ERICH3: variants seen among roughly 807,000 people sequenced by gnomAD.
The protein encoded by ERICH3 is glutamate rich 3, also known as glutamate-rich protein 3.
A neutral mutation model predicts 131.1 loss-of-function variants in ERICH3; 126 were observed. The ratio of observed to expected loss-of-function variants is 0.96; its 90% confidence interval spans 0.83 to 1.11. The LOEUF is 1.11. Among genes scored for constraint, ERICH3 ranks in the 50% most tolerant of loss-of-function variants. The probability of loss-of-function intolerance (pLI) is 0.00; values close to 1 mark genes in which losing one functional copy is unlikely to be tolerated. For synonymous variants in ERICH3, 695 were observed against 644.6 expected (o/e 1.08, Z -1.18); for missense variants, 2,050 against 1,810.7 (o/e 1.13, Z -2.40).
chr1:74,620,693 C>T, intron 8 of ERICH3, 41 bp downstream of exon 8: 3 of 1,481,028 alleles, frequency 2.0e-6, no homozygotes, highest in African/African-American at 1.4e-5. Context: ...TCTATAACAT[C>T]AACTCCAAGC....
In ERICH3 at chr1:74,572,230, C is replaced by T. The variant is rs377071118; in HGVS notation, c.3480G>A (p.Thr1160=). 1.2e-5 allele frequency: 19 copies of T among 1,613,998 alleles called. No individual in the cohort carries two copies. The Admixed American group carries it at 2.5e-4, about 21-fold the overall frequency. The part of the protein sequence containing the change: ...KETVVPIFEA[T]PGFEKSLENI... ...TTTCCAGCGACTTTTCAAATCCAGG[C>T]GTTGCTTCAAATATGGGAACCACTG... Residue 1160 remains threonine (T), a synonymous_variant, in exon 14 of 15, where the codon ACG becomes ACA. Transcript: ENST00000326665.
chr1:74,599,387 G>A (rs1648010173), intron 11 of ERICH3, among the ~76,000 whole-genome samples: 1 of 151,866 alleles, frequency 6.6e-6, no homozygotes, highest in Non-Finnish European at 1.5e-5. Context: ...AGAACACATG[G>A]ACACATAGTG....
rs751977458 is a variant in ERICH3, at chr1:74,599,733, T to A, written c.1688A>T (p.Asp563Val). Residue 563 changes from aspartate to valine, a missense_variant, in exon 11 of 15, where the codon GAT (aspartate) becomes GTT (valine). Asp to Val is a radical substitution (Grantham distance 152). Transcript: ENST00000326665. ...DARDNVKDEN[D>V]GCSESELEED... Reference sequence around the variant, plus strand: ...TTCCAGTTCACTCTCAGAGCATCCATCATTCTCATCTTTCACATTGTCACG... The same window carrying A: ...TTCCAGTTCACTCTCAGAGCATCCAACATTCTCATCTTTCACATTGTCACG... The A allele has an allele frequency of 6.2e-7, 1 of 1,612,074 alleles. No individual in the cohort carries two copies. Among genetic ancestry groups the A allele is most frequent in the Non-Finnish European group, 8.5e-7 (1 of 1,178,820 alleles).
intron 12 of ERICH3, chr1:74,589,427 GA>G: frequency 1.7e-6 from 1 of 594,006 alleles, no homozygotes; most frequent in East Asian, 2.7e-5. Flanking sequence ...AGAAATTATC[GA>G]GTAATTTTTT....
upstream of ERICH3, among the ~76,000 whole-genome samples, chr1:74,673,910 G>A (rs1646764940): frequency 6.6e-6 from 1 of 152,134 alleles, no homozygotes; most frequent in Admixed American, 6.5e-5. Context: ...GAGTTCCCCA[G>A]GTATCTGTAA....
chr1:74,666,442 G>C lies in ERICH3; in HGVS notation c.23+7055C>G, dbSNP rs140224539. ...AATTTTTAATCCTAATACTGAAAGA[G>C]TCTCAGTAAGGTATGATTTTTCAAG... is the stretch of plus-strand genomic sequence containing the variant. On this transcript the variant is annotated intron_variant, in intron 1 of 14. Coordinates refer to ENST00000326665, the MANE Select transcript of ERICH3 (RefSeq NM_001002912.5). Among the ~76,000 whole-genome samples, 853 of 152,268 alleles carry C rather than the reference G, an allele frequency of 5.6e-3. 4 individuals are homozygous for C. The highest frequency in any genetic ancestry group is 0.02 in the African/African-American group (813 of 41,554).
At chr1:74,595,574 A>G (rs1647808336) in intron 11 of ERICH3, among the ~76,000 whole-genome samples, 1 of 152,082 alleles carries the variant, frequency 6.6e-6, no homozygotes, top group Admixed American at 6.6e-5. Flanking sequence ...TTATAATACA[A>G]TCAAATCATG....
At chr1:74,594,019 T>G (rs1297536340) in intron 11 of ERICH3, among the ~76,000 whole-genome samples, 2 of 152,032 alleles carry the variant, frequency 1.3e-5, no homozygotes. Context: ...ACTCATGAAA[T>G]GTGTAGTCTG....
chr1:74,626,188 C>G lies in ERICH3; in HGVS notation c.820-5274G>C, dbSNP rs541300223. ...TGCCTTCTATTTCTATTGGACATCT[C>G]TGATCTAGAGAACTTAGCAACTAGC... On this transcript the variant is annotated intron_variant, in intron 7 of 14. Coordinates refer to ENST00000326665, the MANE Select transcript of ERICH3 (RefSeq NM_001002912.5). 4.6e-5 allele frequency: 7 copies of G among 152,148 alleles called. 1 individual carries two copies. The highest frequency in any genetic ancestry group is 8.8e-5 in the Non-Finnish European group (6 of 68,032). 9.4% of individuals were successfully genotyped at this position (152,148 alleles called of 1,614,324 possible).
intron 1 of ERICH3, among the ~76,000 whole-genome samples, chr1:74,661,320 C>T (rs533547058): frequency 2.0e-5 from 3 of 152,228 alleles, no homozygotes; most frequent in Admixed American, 2.0e-4. Context: ...CTTGAATTCT[C>T]AAATTTGATA....
At chr1:74,632,899 G>T (rs1010740002) in intron 6 of ERICH3, among the ~76,000 whole-genome samples, 3 of 151,680 alleles carry the variant, frequency 2.0e-5, no homozygotes, top group African/African-American at 7.3e-5. Context: ...AACACCAAAG[G>T]TATAGTCAAT....
intron 6 of ERICH3, among the ~76,000 whole-genome samples, chr1:74,633,183 T>C (rs1352031797): frequency 6.6e-6 from 1 of 151,792 alleles, no homozygotes; most frequent in East Asian, 1.9e-4. Context: ...ATATCTCTCA[T>C]TGCTAAATGA....
In ERICH3 at chr1:74,599,754, T is replaced by C. The variant is rs897523852; in HGVS notation, c.1667A>G (p.Asp556Gly). The C allele has an allele frequency of 6.2e-7, 1 of 1,612,414 alleles. No individual in the cohort carries two copies. ...TSSQKAPDARDNVKDENDGCS... is the reference protein window; with the variant it reads ...TSSQKAPDARGNVKDENDGCS... ...TCCATCATTCTCATCTTTCACATTG[T>C]CACGGGCATCTGGTGCCTTCTGTGA... The change falls in exon 11 of 15, where the codon GAC (aspartate) becomes GGC (glycine). Residue 556 changes from aspartate (D) to glycine (G), a missense_variant. Coordinates refer to ENST00000326665, the MANE Select transcript of ERICH3 (RefSeq NM_001002912.5).
At chr1:74,582,599 A>T (rs1233361239) in intron 12 of ERICH3, among the ~76,000 whole-genome samples, 2 of 152,180 alleles carry the variant, frequency 1.3e-5, no homozygotes, top group African/African-American at 4.8e-5. Context: ...GTAGAAACTT[A>T]GAAACTCACT....
At chr1:74,601,656 A>G (rs148125358) in intron 10 of ERICH3, among the ~76,000 whole-genome samples, 324 of 151,974 alleles carry the variant, frequency 2.1e-3, no homozygotes, top group Middle Eastern at 0.01. Context: ...ATACACATAC[A>G]TATATCACAC....
At chr1:74,664,056 G>T (rs779258382) in intron 1 of ERICH3, among the ~76,000 whole-genome samples, 8 of 152,114 alleles carry the variant, frequency 5.3e-5, no homozygotes, top group African/African-American at 1.7e-4. Context: ...TACAAGGAAA[G>T]TATCTGTATG....
intron 1 of ERICH3, among the ~76,000 whole-genome samples, chr1:74,669,750 A>G (rs1646724755): frequency 6.6e-6 from 1 of 152,248 alleles, no homozygotes; most frequent in South Asian, 2.1e-4. Flanking sequence ...CAAAGCCGGC[A>G]CAGGCCCTTT....
intron 1 of ERICH3, among the ~76,000 whole-genome samples, chr1:74,658,173 T>A (rs571467900): frequency 6.6e-6 from 1 of 152,314 alleles, no homozygotes; most frequent in South Asian, 2.1e-4. Context: ...ATTGTTCTGC[T>A]TTAACCATAA....
rs760249607 is a variant in ERICH3 at position 74,620,742 on chromosome 1, A to T, written c.992T>A (p.Leu331His). ...TCACATTTTATGTGTACCTTTTTCAAGTAGTTTGCCTTTGTAGACACAAAG... is the reference window on the plus strand; with the variant it reads ...TCACATTTTATGTGTACCTTTTTCATGTAGTTTGCCTTTGTAGACACAAAG... ...ENLCVYKGKLLEKETFQFISK... is the reference protein window; with the variant it reads ...ENLCVYKGKLHEKETFQFISK... The change falls in exon 8 of 15, where the codon CTT (leucine) becomes CAT (histidine). Residue 331 changes from leucine (L) to histidine (H), a missense_variant. Physicochemically the swap from Leu to His is moderately conservative, Grantham distance 99 (BLOSUM62 -3). Transcript: ENST00000326665. The T allele has an allele frequency of 1.2e-6, 2 of 1,600,850 alleles. No homozygotes were observed. Among genetic ancestry groups the T allele is most frequent in the Non-Finnish European group, 1.7e-6 (2 of 1,175,310 alleles).
Sources: allele counts gnomAD v4.1 joint callset (sites outside exome capture counted in the v4.1 genomes callset), GRCh38; gene constraint gnomAD v4.1.1; transcripts MANE v1.5; gene names NCBI Gene and HGNC (gene_info 2026-07-23, HGNC 2026-07-21).